PDE10A: variants seen among roughly 807,000 people sequenced by gnomAD.
PDE10A encodes the protein cAMP and cAMP-inhibited cGMP 3',5'-cyclic phosphodiesterase 10A.
Under a neutral mutation model 97.7 loss-of-function variants are expected in PDE10A, and 39 were observed. The ratio of observed to expected loss-of-function variants is 0.40; its 90% CI spans 0.31 to 0.52. The LOEUF (loss-of-function observed/expected upper bound fraction) is 0.52, where lower values mean the gene tolerates loss of function less well. Among genes scored for constraint, PDE10A ranks in the 20% least tolerant of loss-of-function variants. The pLI is 0.56. For missense variants in PDE10A, 731 were observed against 1,047.8 expected, an observed-to-expected ratio of 0.70 and a Z score of 4.17; for synonymous variants, 371 against 376.8, an observed-to-expected ratio of 0.98 and a Z score of 0.18.
intron 1 of PDE10A, among the ~76,000 whole-genome samples, chr6:165,701,858 C>A (rs141517237): frequency 6.6e-6 from 1 of 152,060 alleles, no homozygotes; most frequent in Non-Finnish European, 1.5e-5. Flanking sequence ...TTAGGGAAGG[C>A]TTCATAGACT....
In PDE10A at chr6:165,865,951, C is replaced by A. The variant is rs537725271; in HGVS notation, c.-615+121578G>T. ...AACCTCAAATATCTTCAACTAGATT[C>A]ACACCAAAAAGGTCTTTTCCAAGGA... is the stretch of plus-strand genomic sequence containing the variant. On this transcript the variant is annotated intron_variant, in intron 1 of 19. Transcript: ENST00000366882. Among the ~76,000 whole-genome samples, 4 of 152,064 alleles carry A rather than the reference C, an allele frequency of 2.6e-5. No individual in the cohort carries two copies. The East Asian group carries it at 7.7e-4, about 29-fold the overall frequency.
At chr6:165,896,801 T>C (rs796381710) in intron 1 of PDE10A, among the ~76,000 whole-genome samples, 7 of 152,162 alleles carry the variant, frequency 4.6e-5, no homozygotes, top group African/African-American at 1.7e-4. Context: ...TGGGATTACA[T>C]GCGTGAGCCA....
intron 3 of PDE10A, among the ~76,000 whole-genome samples, chr6:165,457,482 C>A (rs1009222415): frequency 6.6e-6 from 1 of 152,072 alleles, no homozygotes; most frequent in Non-Finnish European, 1.5e-5. Flanking sequence ...AAGATAAGAC[C>A]TGAACGATAG....
intron 1 of PDE10A, among the ~76,000 whole-genome samples, chr6:165,649,442 G>A (rs117912702): frequency 0.012 from 1,893 of 151,992 alleles, 21 homozygotes; most frequent in Middle Eastern, 0.027. Context: ...GGAAAACCAG[G>A]GCGGAGGGCA....
At chr6:165,742,630 G>A (rs958640476) in intron 1 of PDE10A, among the ~76,000 whole-genome samples, 3 of 152,116 alleles carry the variant, frequency 2.0e-5, no homozygotes, top group Non-Finnish European at 4.4e-5. Flanking sequence ...TATCTAATGA[G>A]GATGACTTCA....
intron 1 of PDE10A, among the ~76,000 whole-genome samples, chr6:165,873,563 C>G (rs1378555973): frequency 6.6e-6 from 1 of 152,138 alleles, no homozygotes; most frequent in Non-Finnish European, 1.5e-5. Context: ...ATTTTAAAAA[C>G]TGAGCTTTGT....
intron 2 of PDE10A, among the ~76,000 whole-genome samples, chr6:165,512,883 A>G (rs1489546722): frequency 6.6e-6 from 1 of 152,036 alleles, no homozygotes; most frequent in Non-Finnish European, 1.5e-5. Context: ...TAATGAGTAC[A>G]GAGTAGTATC....
chr6:165,881,611 G>T (rs1260873160), intron 1 of PDE10A, among the ~76,000 whole-genome samples: 1 of 147,470 alleles, frequency 6.8e-6, no homozygotes, highest in Admixed American at 6.8e-5. Flanking sequence ...CACCATGTTG[G>T]CCAGGATGGT....
Position 165,336,234 on chromosome 6 carries a change from GA to G in PDE10A, c.2977-24del, listed in dbSNP as rs762128501. The G allele has an allele frequency of 8.6e-5, 135 of 1,561,330 alleles. 1 individual carries two copies. In the African/African-American group the frequency reaches 1.8e-3, roughly 20 times the overall value. ...AAGCTGCCTCCATGCAAAAACCACG[GA>G]CAAGAAACAAAAGTGCACATTAGCA... On this transcript the variant is annotated intron_variant, in intron 20 of 21. Transcript: ENST00000539869.
At chr6:165,749,225 TCAC>T (rs1792917048) in intron 1 of PDE10A, among the ~76,000 whole-genome samples, 1 of 3,380 alleles carries the variant, frequency 3.0e-4, no homozygotes, top group Non-Finnish European at 7.9e-4. Flanking sequence ...CACCATCATA[TCAC>T]CATCACCACC....
chr6:165,928,405 C>G (rs1483559810), intron 1 of PDE10A, among the ~76,000 whole-genome samples: 1 of 152,190 alleles, frequency 6.6e-6, no homozygotes, highest in East Asian at 1.9e-4. Context: ...GCACAACCTG[C>G]TGGACCCACT....
chr6:165,704,000 T>C (rs1434978199), intron 1 of PDE10A, among the ~76,000 whole-genome samples: 2 of 152,098 alleles, frequency 1.3e-5, no homozygotes, highest in Non-Finnish European at 2.9e-5. Context: ...TCCCACACGT[T>C]TTTCAAGGCT....
At chr6:165,342,709 T>C (rs893184427) in intron 19 of PDE10A, among the ~76,000 whole-genome samples, 11 of 152,198 alleles carry the variant, frequency 7.2e-5, no homozygotes, top group Admixed American at 6.5e-4. Flanking sequence ...CTTCATAGAG[T>C]AGTTTTTGAA....
intron 2 of PDE10A, among the ~76,000 whole-genome samples, chr6:165,526,147 G>A (rs1782431963): frequency 1.3e-5 from 2 of 152,152 alleles, no homozygotes; most frequent in Non-Finnish European, 2.9e-5. Flanking sequence ...AGGTAACTGT[G>A]TACTGGGGAA....
chr6:165,358,233 G>C (rs758448746), intron 18 of PDE10A, among the ~76,000 whole-genome samples: 3 of 151,706 alleles, frequency 2.0e-5, no homozygotes, highest in Non-Finnish European at 4.4e-5. Flanking sequence ...GTGTCGTTTA[G>C]ATCTCTGTTA....
At chr6:165,371,985 T>C (rs1784288415) in intron 18 of PDE10A, among the ~76,000 whole-genome samples, 1 of 150,638 alleles carries the variant, frequency 6.6e-6, no homozygotes, top group Non-Finnish European at 1.5e-5. Flanking sequence ...ACCACATGAT[T>C]ATCTCAATAG....
chr6:165,963,379 A>T (rs1030245618), intron 1 of PDE10A, among the ~76,000 whole-genome samples: 1 of 152,214 alleles, frequency 6.6e-6, no homozygotes, highest in Non-Finnish European at 1.5e-5. Flanking sequence ...GCCTAGTAGG[A>T]GCTGCTATCC....
intron 2 of PDE10A, among the ~76,000 whole-genome samples, chr6:165,541,621 T>C (rs549446602): frequency 1.3e-5 from 2 of 152,354 alleles, no homozygotes; most frequent in African/African-American, 4.8e-5. Context: ...GAAATTTGCA[T>C]CTTTTTTTAT....
upstream of PDE10A, among the ~76,000 whole-genome samples, chr6:165,667,711 G>T (rs140249207): frequency 6.6e-5 from 10 of 150,950 alleles, 1 homozygote; most frequent in Middle Eastern, 3.4e-3. Flanking sequence ...AAACCCAAGC[G>T]GAGATTTTCA....
Sources: gnomAD v4.1 joint callset for allele counts (sites outside exome capture counted in the v4.1 genomes callset) on GRCh38, gnomAD v4.1.1 for gene constraint, MANE v1.5 for transcripts, NCBI Gene and HGNC (gene_info 2026-07-23, HGNC 2026-07-21) for gene names.